Variants in DNAJC5B observed in about 807,000 individuals in gnomAD.
DNAJC5B encodes DnaJ heat shock protein family (Hsp40) member C5 beta.
DNAJC5B carries 23 observed loss-of-function variants against 24.7 expected under a neutral mutation model. The observed-to-expected ratio is 0.93, with a 90% CI of 0.67 to 1.32. The LOEUF (loss-of-function observed/expected upper bound fraction) is 1.32. Ranked by LOEUF, DNAJC5B falls within the 40% of genes most tolerant of loss-of-function variation. The probability of loss-of-function intolerance (pLI) is 0.00; values close to 1 mark genes in which losing one functional copy is unlikely to be tolerated. For missense variants in DNAJC5B, 238 were observed against 240.8 expected, an observed-to-expected ratio of 0.99 and a Z score of 0.08; for synonymous variants, 101 against 90.1, an observed-to-expected ratio of 1.12 and a Z score of -0.68.
rs1447221927 is a variant in DNAJC5B at position 66,043,565 on chromosome 8, G to C, written c.-64G>C. 4 of 152,240 alleles carry C rather than the reference G, an allele frequency of 2.6e-5. No individual in the cohort carries two copies. The highest frequency in any genetic ancestry group is 5.9e-5 in the Non-Finnish European group (4 of 68,064). 9.4% of individuals were successfully genotyped at this position (152,240 alleles called of 1,614,324 possible). A position where few individuals can be genotyped will look rare whatever the true frequency, so the allele number is the denominator to read the frequency against. On this transcript the variant is annotated 5_prime_UTR_variant, in exon 2 of 6. Coordinates refer to ENST00000276570, the MANE Select transcript of DNAJC5B (RefSeq NM_033105.6). ...TTGACCTGCTTAACCCTGCATGGGG[G>C]GGAAGGATGGAAAGGAGCAGCTGTT...
intron 1 of DNAJC5B, among the ~76,000 whole-genome samples, chr8:66,032,295 G>A (rs1414242351): frequency 6.6e-6 from 1 of 152,228 alleles, no homozygotes; most frequent in Non-Finnish European, 1.5e-5. Flanking sequence ...AACACTCAGG[G>A]CAGCAGCAGG....
upstream of DNAJC5B, among the ~76,000 whole-genome samples, chr8:66,018,436 TTG>T (rs1252103662): frequency 6.6e-6 from 1 of 152,104 alleles, no homozygotes; most frequent in African/African-American, 2.4e-5. Flanking sequence ...AGAGAATTGC[TTG>T]AACCCGGGAG....
chr8:66,060,079 C>G (rs1286295465), intron 3 of DNAJC5B, among the ~76,000 whole-genome samples: 1 of 152,152 alleles, frequency 6.6e-6, no homozygotes, highest in Admixed American at 6.5e-5. Context: ...TGTTAGAGCC[C>G]CCTATGAGTT....
intron 3 of DNAJC5B, 91 bp from the exon 4 acceptor site, chr8:66,076,569 A>G: frequency 7.4e-7 from 1 of 1,346,564 alleles, no homozygotes; most frequent in Non-Finnish European, 1.0e-6. Context: ...GCGCTAATAA[A>G]GAATATACAA....
At chr8:66,059,436 G>A (rs373491888) in intron 3 of DNAJC5B, among the ~76,000 whole-genome samples, 27 of 152,088 alleles carry the variant, frequency 1.8e-4, no homozygotes, top group East Asian at 1.7e-3. Flanking sequence ...TTTAGATATC[G>A]CTCCAAGAGC....
Position 66,086,893 on chromosome 8 carries a change from A to G in DNAJC5B, c.505+6345A>G, listed in dbSNP as rs576364036. 2.8e-4 allele frequency among the ~76,000 whole-genome samples: 42 copies of G among 152,350 alleles called. No individual in the cohort carries two copies. In the South Asian group the frequency reaches 8.1e-3, roughly 29 times the overall value. On this transcript the variant is annotated intron_variant, in intron 5 of 5. Transcript: ENST00000276570. ...CCAGAAATGTCAAGATGCAAAGTAT[A>G]GTAAAACTGATATGGGGCAATCTTT...
Position 66,061,957 on chromosome 8 carries a change from G to T in DNAJC5B, c.119+10291G>T, listed in dbSNP as rs865804712. On this transcript the variant is annotated intron_variant, in intron 3 of 5. Coordinates refer to ENST00000276570, the MANE Select transcript of DNAJC5B (RefSeq NM_033105.6). ...GTGGCTTCGGGGAGTGGCAGCCTGT[G>T]GGGGCGCAGCCGAGCCCCTTCCTGA... Among the ~76,000 whole-genome samples the T allele has an allele frequency of 6.6e-5, 10 of 151,748 alleles. 1 individual carries two copies. In the South Asian group the frequency reaches 2.1e-3, roughly 32 times the overall value.
Position 66,033,770 on chromosome 8 carries a change from C to CTTT in DNAJC5B, c.-141-9697_-141-9695dup, listed in dbSNP as rs765814272. 1.9e-4 allele frequency among the ~76,000 whole-genome samples: 20 copies of CTTT among 105,372 alleles called. 2 individuals are homozygous for CTTT. The highest frequency in any genetic ancestry group is 2.6e-4 in the East Asian group (1 of 3,804). The allele number at this position is 105,372 out of a possible 152,430, so 69.1% of individuals were successfully genotyped here. On this transcript the variant is annotated intron_variant, in intron 1 of 5. Transcript: ENST00000276570. The stretch of plus-strand genomic sequence containing the variant: ...GCTTCTTGCTTTCAAGATCATTCCG[C>CTTT]TTTTTTTTTTTTTTTTTTTTTTTGG...
At chr8:66,093,281 G>T (rs1807884919) in intron 5 of DNAJC5B, among the ~76,000 whole-genome samples, 1 of 152,094 alleles carries the variant, frequency 6.6e-6, no homozygotes, top group African/African-American at 2.4e-5. Flanking sequence ...TTAGTCAAAG[G>T]ATATGCACTT....
chr8:66,071,860 T>C (rs1430780980), intron 3 of DNAJC5B, among the ~76,000 whole-genome samples: 1 of 152,156 alleles, frequency 6.6e-6, no homozygotes, highest in African/African-American at 2.4e-5. Context: ...CATGGAATAC[T>C]ATGCAGCCAT....
intron 5 of DNAJC5B, among the ~76,000 whole-genome samples, chr8:66,083,299 C>T (rs1807644645): frequency 1.3e-5 from 2 of 151,938 alleles, no homozygotes; most frequent in Admixed American, 6.5e-5. Context: ...GTGTGAGCCA[C>T]CACACCTGGC....
intron 2 of DNAJC5B, among the ~76,000 whole-genome samples, chr8:66,045,526 T>C (rs1806704162): frequency 6.6e-6 from 1 of 152,120 alleles, no homozygotes; most frequent in African/African-American, 2.4e-5. Flanking sequence ...TCTTCCCGGG[T>C]GTGAGTTTTT....
At chr8:66,052,301 G>A (rs1230910061) in intron 3 of DNAJC5B, among the ~76,000 whole-genome samples, 1 of 152,050 alleles carries the variant, frequency 6.6e-6, no homozygotes, top group African/African-American at 2.4e-5. Flanking sequence ...CACTGAGTCA[G>A]AGGAATTCTT....
upstream of DNAJC5B, among the ~76,000 whole-genome samples, chr8:66,019,285 A>C (rs796753449): frequency 2.6e-5 from 4 of 152,342 alleles, no homozygotes; most frequent in African/African-American, 9.6e-5. Flanking sequence ...AGAATTACTG[A>C]TTTAGTATGC....
At chr8:66,067,046 T>A (rs1021205814) in intron 3 of DNAJC5B, among the ~76,000 whole-genome samples, 3 of 152,248 alleles carry the variant, frequency 2.0e-5, no homozygotes, top group Admixed American at 6.5e-5. Context: ...TTTGGTGGGA[T>A]TAACATATAG....
At chr8:66,078,440 G>C (rs1777263708) in intron 4 of DNAJC5B, among the ~76,000 whole-genome samples, 1 of 152,090 alleles carries the variant, frequency 6.6e-6, no homozygotes, top group African/African-American at 2.4e-5. Context: ...ACCTACCTGT[G>C]CCTAGTACTG....
At chr8:66,029,394 T>C (rs1025746555) in intron 1 of DNAJC5B, among the ~76,000 whole-genome samples, 3 of 152,100 alleles carry the variant, frequency 2.0e-5, no homozygotes, top group African/African-American at 4.8e-5. Context: ...TGGGAAGAAG[T>C]GGCACTGGAG....
Position 66,100,007 on chromosome 8 carries a change from T to A in DNAJC5B, c.576T>A (p.Ser192=). 1 of 1,614,024 alleles carries A rather than the reference T, an allele frequency of 6.2e-7. No homozygotes were observed. Among genetic ancestry groups the A allele is most frequent in the South Asian group, 1.1e-5 (1 of 91,066 alleles). ...NEKTQLIKEG[S]RSYCTDS ...AAACACAGCTAATCAAAGAAGGATC[T>A]CGAAGTTATTGCACAGACTCTTGAT... The change falls in exon 6 of 6, where the codon TCT becomes TCA. Residue 192 remains serine (S), a synonymous_variant. Coordinates refer to ENST00000276570, the MANE Select transcript of DNAJC5B (RefSeq NM_033105.6).
chr8:66,083,717 C>T (rs907333723), intron 5 of DNAJC5B, among the ~76,000 whole-genome samples: 1 of 152,158 alleles, frequency 6.6e-6, no homozygotes, highest in Non-Finnish European at 1.5e-5. Flanking sequence ...TTTCTACACT[C>T]GTGGGGCTAC....
Sources: allele counts gnomAD v4.1 joint callset (sites outside exome capture counted in the v4.1 genomes callset), GRCh38; gene constraint gnomAD v4.1.1; transcripts MANE v1.5; gene names NCBI Gene and HGNC (gene_info 2026-07-23, HGNC 2026-07-21).